Variants in MTRFR observed in about 807,000 individuals in gnomAD.
The protein encoded by MTRFR is probable peptide chain release factor C12orf65, mitochondrial.
Under a neutral mutation model 11.9 loss-of-function variants are expected in MTRFR, and 10 were observed. The observed-to-expected ratio is 0.84, with a 90% CI of 0.52 to 1.42. The LOEUF (loss-of-function observed/expected upper bound fraction) is 1.42. Among genes scored for constraint, MTRFR ranks in the 40% most tolerant of loss-of-function variants. The probability of loss-of-function intolerance (pLI) is 0.00; values close to 1 mark genes in which losing one functional copy is unlikely to be tolerated. For missense variants in MTRFR, 196 were observed against 197.9 expected (o/e 0.99, Z 0.06); for synonymous variants, 77 against 79.1 (o/e 0.97, Z 0.14).
chr12:123,245,745 A>G (rs1470685077), intron 1 of MTRFR, among the ~76,000 whole-genome samples: 3 of 152,186 alleles, frequency 2.0e-5, no homozygotes, highest in South Asian at 2.1e-4. Context: ...TGATTTGTGT[A>G]TGTTAATCTT....
chr12:123,238,771 A>G (rs2047888530), intron 1 of MTRFR, among the ~76,000 whole-genome samples: 1 of 152,182 alleles, frequency 6.6e-6, no homozygotes. Flanking sequence ...AGGTCAGAGC[A>G]GGGCCTGAAA....
chr12:123,243,367 A>G (rs2047975562), intron 1 of MTRFR, among the ~76,000 whole-genome samples: 1 of 152,058 alleles, frequency 6.6e-6, no homozygotes, highest in Admixed American at 6.6e-5. Context: ...CGTCTCTACT[A>G]AAAATACAAA....
rs1209488011 is a variant in MTRFR, at chr12:123,247,517, T to G, written c.-28-6130T>G. Among the ~76,000 whole-genome samples, 3 of 152,204 alleles carry G rather than the reference T, an allele frequency of 2.0e-5. No homozygotes were observed. In the East Asian group the frequency reaches 5.8e-4, roughly 29 times the overall value. ...GCATGACATGCCTTTTTCCACCCCT[T>G]TAAGTTTACGTGAGTCTTTATGTGT... is the stretch of plus-strand genomic sequence containing the variant. On this transcript the variant is annotated intron_variant, in intron 1 of 2. Coordinates refer to ENST00000253233, the MANE Select transcript of MTRFR (RefSeq NM_152269.5).
intron 1 of MTRFR, among the ~76,000 whole-genome samples, chr12:123,235,366 C>T (rs772972466): frequency 6.6e-6 from 1 of 151,922 alleles, no homozygotes; most frequent in Non-Finnish European, 1.5e-5. Context: ...TGAGAGGAGT[C>T]GTCAAATACA....
At chr12:123,233,150 C>G (rs1330656436), upstream of MTRFR, 2 of 152,106 alleles carry the variant, frequency 1.3e-5, no homozygotes, top group Non-Finnish European at 2.9e-5. Context: ...GGAGCGCGCG[C>G]GCGCCCGGCG....
Position 123,257,187 on chromosome 12 carries a change from G to T in MTRFR, c.*156G>T. On this transcript the variant is annotated 3_prime_UTR_variant, in exon 3 of 3. Coordinates refer to ENST00000253233, the MANE Select transcript of MTRFR (RefSeq NM_152269.5). ...ATTTATTTAAATGGTGCACTAAACTGTAGTGAACAGAGACATGCACGATTC... is the reference window on the plus strand; with the variant it reads ...ATTTATTTAAATGGTGCACTAAACTTTAGTGAACAGAGACATGCACGATTC... The T allele has an allele frequency of 1.5e-6, 1 of 688,504 alleles. No homozygotes were observed. The highest frequency in any genetic ancestry group is 2.6e-6 in the Non-Finnish European group (1 of 392,112). 42.6% of individuals were successfully genotyped at this position (688,504 alleles called of 1,614,324 possible).
chr12:123,251,708 A>G (rs1221890567), intron 1 of MTRFR: 2 of 172,480 alleles, frequency 1.2e-5, no homozygotes, highest in Non-Finnish European at 2.3e-5. Context: ...GCCCTGCAGG[A>G]GCAATCCGCT....
chr12:123,236,152 A>T (rs1013668545), intron 1 of MTRFR, among the ~76,000 whole-genome samples: 10 of 152,226 alleles, frequency 6.6e-5, no homozygotes, highest in Admixed American at 6.5e-4. Flanking sequence ...ATCTGGAGAT[A>T]TGAAAGGTAA....
At chr12:123,244,857 T>C (rs1194312741) in intron 1 of MTRFR, among the ~76,000 whole-genome samples, 1 of 149,916 alleles carries the variant, frequency 6.7e-6, no homozygotes, top group Non-Finnish European at 1.5e-5. Flanking sequence ...GGTCTCGAAC[T>C]CCTGACCTTG....
rs147572928 is a variant in MTRFR, at chr12:123,243,386, C to T, written c.-29+9855C>T. Reference sequence around the variant, plus strand: ...TCTACTAAAAATACAAAAAATTAGCCGGACGTGGTGGCAGATGCCTGTAGT... The same window carrying T: ...TCTACTAAAAATACAAAAAATTAGCTGGACGTGGTGGCAGATGCCTGTAGT... On this transcript the variant is annotated intron_variant, in intron 1 of 2. Coordinates refer to ENST00000253233, the MANE Select transcript of MTRFR (RefSeq NM_152269.5). 3.7e-3 allele frequency among the ~76,000 whole-genome samples: 559 copies of T among 152,218 alleles called. 4 individuals carry two copies. The highest frequency in any genetic ancestry group is 0.013 in the African/African-American group (534 of 41,544).
intron 1 of MTRFR, among the ~76,000 whole-genome samples, chr12:123,235,846 T>C (rs989749484): frequency 1.3e-5 from 2 of 151,826 alleles, no homozygotes; most frequent in Admixed American, 1.3e-4. Context: ...AGCGGATCGC[T>C]TGAGGTCAGG....
intron 1 of MTRFR, among the ~76,000 whole-genome samples, chr12:123,234,202 GTC>G (rs1199140963): frequency 6.6e-6 from 1 of 152,100 alleles, no homozygotes; most frequent in African/African-American, 2.4e-5. Context: ...AACCTTTAAG[GTC>G]TTTCCAGCTA....
intron 1 of MTRFR, among the ~76,000 whole-genome samples, chr12:123,234,872 C>CCTT (rs1555235044): frequency 6.6e-6 from 1 of 152,174 alleles, no homozygotes; most frequent in Non-Finnish European, 1.5e-5. Flanking sequence ...ACAGTGATCT[C>CCTT]CTTAGTACCT....
intron 1 of MTRFR, chr12:123,243,891 C>G (rs1174782997): frequency 6.6e-6 from 1 of 152,206 alleles, no homozygotes; most frequent in African/African-American, 2.4e-5. Flanking sequence ...CATCCTGCTT[C>G]CTCCTCAGTG....
At chr12:123,252,419 G>A (rs1398118273) in intron 1 of MTRFR, 1 of 135,798 alleles carries the variant, frequency 7.4e-6, no homozygotes, top group African/African-American at 2.5e-5. Flanking sequence ...GCGACAGAGT[G>A]GGACTCTGTC....
Position 123,257,105 on chromosome 12 carries a change from C to A in MTRFR, c.*74C>A. 2 of 1,145,452 alleles carry A rather than the reference C, an allele frequency of 1.7e-6. No homozygotes were observed. Among genetic ancestry groups the A allele is most frequent in the Non-Finnish European group, 2.6e-6 (2 of 768,784 alleles). The allele number at this position is 1,145,452 out of a possible 1,614,324, so 71.0% of individuals were successfully genotyped here. On this transcript the variant is annotated 3_prime_UTR_variant, in exon 3 of 3. Coordinates refer to ENST00000253233, the MANE Select transcript of MTRFR (RefSeq NM_152269.5). ...GGAATAATGGTGGCGAGTTCCATCA[C>A]CAGCATTATTATAGTGCTTCAAAAG...
At chr12:123,248,764 T>C (rs900341833) in intron 1 of MTRFR, 1 of 152,196 alleles carries the variant, frequency 6.6e-6, no homozygotes, top group African/African-American at 2.4e-5. Flanking sequence ...GTTTATTCCC[T>C]TATCTGACCC....
intron 1 of MTRFR, chr12:123,250,795 A>G (rs1272643680): frequency 6.6e-6 from 1 of 151,792 alleles, no homozygotes; most frequent in Admixed American, 6.6e-5. Flanking sequence ...TTAATGGTCT[A>G]TTTTTTTTGC....
chr12:123,242,462 A>G (rs1003347756), intron 1 of MTRFR, among the ~76,000 whole-genome samples: 4 of 152,184 alleles, frequency 2.6e-5, no homozygotes, highest in African/African-American at 4.8e-5. Flanking sequence ...TATCACAAAC[A>G]CTGAAATCCA....
Sources: gnomAD v4.1 joint callset for allele counts (sites outside exome capture counted in the v4.1 genomes callset) on GRCh38, gnomAD v4.1.1 for gene constraint, MANE v1.5 for transcripts, NCBI Gene and HGNC (gene_info 2026-07-23, HGNC 2026-07-21) for gene names.